FGF14: variants seen among roughly 807,000 people sequenced by gnomAD.
FGF14 encodes fibroblast growth factor homologous factor 4.
Under a neutral mutation model 25.5 loss-of-function variants are expected in FGF14, and 5 were observed. That is an observed-to-expected ratio of 0.20 (90% CI 0.10 to 0.41). FGF14 has a LOEUF of 0.41. Among genes scored for constraint, FGF14 ranks in the 10% least tolerant of loss-of-function variants. FGF14 has a pLI of 1.00. For missense variants in FGF14, 222 were observed against 320.1 expected, an observed-to-expected ratio of 0.69 and a Z score of 2.34; for synonymous variants, 138 against 118.3, an observed-to-expected ratio of 1.17 and a Z score of -1.08.
Position 101,935,577 on chromosome 13 carries a change from C to A in FGF14, c.209-60281G>T, listed in dbSNP as rs575260389. On this transcript the variant is annotated intron_variant, in intron 1 of 4. Transcript: ENST00000376131. ...GTGTCTGGCATTTCCCCTGCTTGCACTCATTCTCTTTCCTGCTGCCCTGTG... is the reference window on the plus strand; with the variant it reads ...GTGTCTGGCATTTCCCCTGCTTGCAATCATTCTCTTTCCTGCTGCCCTGTG... 1.2e-4 allele frequency among the ~76,000 whole-genome samples: 18 copies of A among 152,338 alleles called. 1 individual carries two copies. In the South Asian group the frequency reaches 3.7e-3, roughly 32 times the overall value.
intron 1 of FGF14, among the ~76,000 whole-genome samples, chr13:101,964,117 T>C (rs2037038291): frequency 1.3e-5 from 2 of 152,228 alleles, no homozygotes; most frequent in South Asian, 4.1e-4. Flanking sequence ...AAGTTGGATG[T>C]TTGGCTTTTG....
At chr13:102,043,997 A>G (rs1165732342) in intron 1 of FGF14, among the ~76,000 whole-genome samples, 2 of 152,222 alleles carry the variant, frequency 1.3e-5, no homozygotes, top group Non-Finnish European at 2.9e-5. Context: ...CTGGGAAGCT[A>G]TGAGTGGAAC....
At chr13:102,118,399 C>A (rs1489740787) in intron 1 of FGF14, among the ~76,000 whole-genome samples, 2 of 151,680 alleles carry the variant, frequency 1.3e-5, no homozygotes, top group Non-Finnish European at 2.9e-5. Flanking sequence ...GACAACGGAC[C>A]AAGAAAATAA....
intron 1 of FGF14, among the ~76,000 whole-genome samples, chr13:101,948,846 G>A (rs1010589295): frequency 6.6e-6 from 1 of 152,040 alleles, no homozygotes; most frequent in African/African-American, 2.4e-5. Flanking sequence ...ACTTTGCCTT[G>A]AATTTTTTAA....
chr13:101,929,717 T>G (rs149235965), intron 1 of FGF14, among the ~76,000 whole-genome samples: 297 of 152,332 alleles, frequency 1.9e-3, no homozygotes, highest in African/African-American at 6.8e-3. Context: ...TTTATATGTG[T>G]TATATATCAT....
chr13:101,898,108 T>A (rs1196347303), intron 1 of FGF14, among the ~76,000 whole-genome samples: 9 of 152,064 alleles, frequency 5.9e-5, no homozygotes, highest in Admixed American at 5.9e-4. Flanking sequence ...TTGGCCAGGC[T>A]GGTATTGAAC....
At chr13:102,228,896 C>T (rs773509072) in intron 1 of FGF14, among the ~76,000 whole-genome samples, 51 of 152,196 alleles carry the variant, frequency 3.4e-4, no homozygotes, top group Non-Finnish European at 6.8e-4. Context: ...ATTTTAAGCA[C>T]AGTCTCGAAT....
chr13:101,967,174 A>G (rs2037262793), intron 1 of FGF14, among the ~76,000 whole-genome samples: 1 of 152,172 alleles, frequency 6.6e-6, no homozygotes, highest in African/African-American at 2.4e-5. Flanking sequence ...GAACCTTAAA[A>G]TTCAGATTTT....
intron 1 of FGF14, among the ~76,000 whole-genome samples, chr13:102,322,646 G>C (rs2056289585): frequency 6.6e-6 from 1 of 151,960 alleles, no homozygotes; most frequent in Non-Finnish European, 1.5e-5. Context: ...TTTCCTTTTG[G>C]TACAATTATC....
At chr13:101,815,121 C>T (rs1397417420) in intron 3 of FGF14, among the ~76,000 whole-genome samples, 4 of 152,262 alleles carry the variant, frequency 2.6e-5, no homozygotes, top group Middle Eastern at 3.4e-3. Flanking sequence ...GGAAGAATGA[C>T]GTTCCTACTA....
chr13:102,341,543 C>A (rs1382658710), intron 1 of FGF14, among the ~76,000 whole-genome samples: 1 of 152,142 alleles, frequency 6.6e-6, no homozygotes, highest in African/African-American at 2.4e-5. Context: ...TCCCCTTCCC[C>A]AACCTACCTA....
At chr13:102,264,864 A>G (rs2052908861) in intron 1 of FGF14, among the ~76,000 whole-genome samples, 1 of 152,192 alleles carries the variant, frequency 6.6e-6, no homozygotes, top group South Asian at 2.1e-4. Flanking sequence ...TAGTTGTTTG[A>G]TCATGCAGCC....
chr13:101,753,761 C>T (rs1339912393), intron 3 of FGF14, among the ~76,000 whole-genome samples: 1 of 151,488 alleles, frequency 6.6e-6, no homozygotes, highest in Non-Finnish European at 1.5e-5. Flanking sequence ...TGAGATGGAG[C>T]CATTGCACTC....
chr13:102,170,460 G>A (rs762189578), intron 1 of FGF14, among the ~76,000 whole-genome samples: 3 of 151,884 alleles, frequency 2.0e-5, no homozygotes, highest in Non-Finnish European at 2.9e-5. Flanking sequence ...GTCTAACTTA[G>A]AGAGAAAGTC....
intron 1 of FGF14, among the ~76,000 whole-genome samples, chr13:102,185,485 T>C (rs185947964): frequency 1.3e-5 from 2 of 152,320 alleles, no homozygotes; most frequent in Admixed American, 1.3e-4. Context: ...GGACCTGTTT[T>C]ATATTCTCGT....
At chr13:102,140,054 C>G (rs112507830) in intron 1 of FGF14, among the ~76,000 whole-genome samples, 100 of 145,888 alleles carry the variant, frequency 6.9e-4, no homozygotes, top group South Asian at 1.9e-3. Context: ...CCCCCCCCCC[C>G]CCTTACAGCA....
intron 1 of FGF14, among the ~76,000 whole-genome samples, chr13:102,214,063 A>T (rs917838700): frequency 2.0e-5 from 3 of 152,252 alleles, no homozygotes; most frequent in African/African-American, 7.2e-5. Context: ...AAAAGCAAGC[A>T]TCGAGTCCCT....
At position 102,142,390 on chromosome 13, in the gene FGF14, C is replaced by A. The variant is rs572344382; in HGVS notation, c.208+259081G>T. On this transcript the variant is annotated intron_variant, in intron 1 of 4. Transcript: ENST00000376131. Reference sequence around the variant, plus strand: ...CTCCATCTGCAACAGCTGTTTTACTCCTTAAAAAAAAAAATGGAAAAGGAA... The same window carrying A: ...CTCCATCTGCAACAGCTGTTTTACTACTTAAAAAAAAAAATGGAAAAGGAA... Among the ~76,000 whole-genome samples, 4 of 151,626 alleles carry A rather than the reference C, an allele frequency of 2.6e-5. No homozygotes were observed. The South Asian group carries it at 8.3e-4, about 32-fold the overall frequency.
chr13:101,894,893 A>G (rs2030395424), intron 1 of FGF14, among the ~76,000 whole-genome samples: 1 of 152,180 alleles, frequency 6.6e-6, no homozygotes, highest in African/African-American at 2.4e-5. Flanking sequence ...GAAGCATAGC[A>G]TGGAAAAAGA....
Sources: gnomAD v4.1 joint callset for allele counts (sites outside exome capture counted in the v4.1 genomes callset) on GRCh38, gnomAD v4.1.1 for gene constraint, MANE v1.5 for transcripts, NCBI Gene and HGNC (gene_info 2026-07-23, HGNC 2026-07-21) for gene names.